Variants in UNC13C observed in about 807,000 individuals in gnomAD.
UNC13C encodes the protein protein unc-13 homolog C.
Under a neutral mutation model 245.4 loss-of-function variants are expected in UNC13C, and 174 were observed. The ratio of observed to expected loss-of-function variants is 0.71; its 90% CI spans 0.63 to 0.80. The LOEUF (loss-of-function observed/expected upper bound fraction) is 0.80, where lower values mean the gene tolerates loss of function less well. UNC13C is among the 30% of genes least tolerant of loss of function. The probability of loss-of-function intolerance (pLI) is 0.00; values close to 1 mark genes in which losing one functional copy is unlikely to be tolerated. For synonymous variants in UNC13C, 992 were observed against 895.1 expected, an observed-to-expected ratio of 1.11 and a Z score of -1.93; for missense variants, 2,829 against 2,602.9, an observed-to-expected ratio of 1.09 and a Z score of -1.89.
intron 30 of UNC13C, among the ~76,000 whole-genome samples, chr15:54,615,822 G>T (rs1175084072): frequency 6.6e-6 from 1 of 151,946 alleles, no homozygotes; most frequent in Non-Finnish European, 1.5e-5. Context: ...AACCAATTCT[G>T]TGGATTCCAA....
chr15:54,301,308 A>G (rs1388175303), intron 13 of UNC13C, among the ~76,000 whole-genome samples: 1 of 139,830 alleles, frequency 7.2e-6, no homozygotes, highest in Non-Finnish European at 1.5e-5. Flanking sequence ...TTTTTTTTGA[A>G]TGTAAGTTCT....
chr15:54,309,289 A>G (rs1567176982), intron 13 of UNC13C, among the ~76,000 whole-genome samples: 1 of 151,812 alleles, frequency 6.6e-6, no homozygotes, highest in South Asian at 2.1e-4. Flanking sequence ...ACTATTGGGC[A>G]TTTGTATGTC....
chr15:53,908,268 C>G, the UNC13C span, among the ~76,000 whole-genome samples: 1 of 146,102 alleles, frequency 6.8e-6, no homozygotes, highest in African/African-American at 2.4e-5. Flanking sequence ...TTTACCCTAG[C>G]AAACTTACAG....
chr15:54,574,102 A>G (rs1177054269), intron 30 of UNC13C, among the ~76,000 whole-genome samples: 1 of 152,220 alleles, frequency 6.6e-6, no homozygotes, highest in East Asian at 1.9e-4. Context: ...TTTTTAAAAC[A>G]AAATTCACCA....
At chr15:53,992,594 G>A (rs569950249) in intron 1 of UNC13C, among the ~76,000 whole-genome samples, 13 of 152,180 alleles carry the variant, frequency 8.5e-5, no homozygotes, top group East Asian at 7.7e-4. Context: ...GTCCTATCCC[G>A]TGACTCACAG....
intron 4 of UNC13C, among the ~76,000 whole-genome samples, chr15:54,159,591 G>A (rs780709956): frequency 5.9e-5 from 9 of 152,206 alleles, no homozygotes; most frequent in Non-Finnish European, 1.2e-4. Context: ...TGGCTAAAAT[G>A]TGTCTTAATA....
At chr15:54,115,962 C>A (rs368014692) in intron 2 of UNC13C, among the ~76,000 whole-genome samples, 5 of 140,588 alleles carry the variant, frequency 3.6e-5, no homozygotes, top group African/African-American at 1.2e-4. Flanking sequence ...AAAGAAGATG[C>A]CACCTCATTG....
At chr15:53,964,428 T>C in the UNC13C span, among the ~76,000 whole-genome samples, 1 of 152,202 alleles carries the variant, frequency 6.6e-6, no homozygotes, top group Non-Finnish European at 1.5e-5. Flanking sequence ...CACAGAGCTA[T>C]CCCTATGGGT....
At chr15:53,995,975 A>G (rs1894613798) in intron 1 of UNC13C, among the ~76,000 whole-genome samples, 1 of 152,168 alleles carries the variant, frequency 6.6e-6, no homozygotes, top group Admixed American at 6.5e-5. Flanking sequence ...AGGACGGCCG[A>G]AGGCTCTTGT....
chr15:53,989,789 A>G (rs757389931), intron 1 of UNC13C, among the ~76,000 whole-genome samples: 2 of 152,044 alleles, frequency 1.3e-5, no homozygotes, highest in Non-Finnish European at 2.9e-5. Flanking sequence ...TCTTGGAGAC[A>G]GCAGCCAGCA....
intron 2 of UNC13C, among the ~76,000 whole-genome samples, chr15:54,054,797 A>T (rs1361845085): frequency 1.3e-5 from 2 of 150,360 alleles, no homozygotes; most frequent in African/African-American, 4.8e-5. Flanking sequence ...GAACATATTT[A>T]TTTTTTGTTT....
At chr15:53,998,952 T>C (rs539637224) in intron 1 of UNC13C, among the ~76,000 whole-genome samples, 1 of 152,176 alleles carries the variant, frequency 6.6e-6, no homozygotes, top group African/African-American at 2.4e-5. Flanking sequence ...GGAATAATTA[T>C]GCTTGATCGT....
chr15:54,556,495 G>A (rs1319093006), intron 29 of UNC13C, among the ~76,000 whole-genome samples: 1 of 152,144 alleles, frequency 6.6e-6, no homozygotes, highest in Admixed American at 6.6e-5. Flanking sequence ...TTAAAGTTGG[G>A]AGGTGAGAGT....
chr15:54,284,719 C>T (rs897545218), intron 10 of UNC13C, among the ~76,000 whole-genome samples: 20 of 152,010 alleles, frequency 1.3e-4, no homozygotes, highest in South Asian at 1.0e-3. Flanking sequence ...TCTCTCTTTT[C>T]GTAGCAAAAT....
intron 4 of UNC13C, among the ~76,000 whole-genome samples, chr15:54,226,036 A>T (rs2140798923): frequency 6.6e-6 from 1 of 152,288 alleles, no homozygotes; most frequent in East Asian, 1.9e-4. Flanking sequence ...AATTTGATTG[A>T]AGGCCTTTTT....
At chr15:54,073,474 TTAAAC>T (rs1346534542) in intron 2 of UNC13C, among the ~76,000 whole-genome samples, 28 of 152,304 alleles carry the variant, frequency 1.8e-4, no homozygotes, top group Non-Finnish European at 1.0e-4. Flanking sequence ...TCCACAATGG[TTAAAC>T]TAATTTACAC....
chr15:54,526,570 A>G (rs1895469535), intron 25 of UNC13C, among the ~76,000 whole-genome samples: 1 of 150,586 alleles, frequency 6.6e-6, no homozygotes, highest in African/African-American at 2.5e-5. Flanking sequence ...TCTCTACTAA[A>G]AGTATAAAAC....
intron 10 of UNC13C, among the ~76,000 whole-genome samples, chr15:54,286,413 A>G (rs1043002935): frequency 7.2e-5 from 11 of 152,302 alleles, no homozygotes; most frequent in African/African-American, 2.4e-4. Flanking sequence ...GCAGTTTTCA[A>G]TATTTAACAG....
At chr15:54,485,151 G>C (rs181432727) in intron 19 of UNC13C, among the ~76,000 whole-genome samples, 59 of 152,280 alleles carry the variant, frequency 3.9e-4, no homozygotes, top group African/African-American at 1.4e-3. Flanking sequence ...TGTAGGCCAA[G>C]TCCAATGTTG....
Sources: allele counts gnomAD v4.1 joint callset (sites outside exome capture counted in the v4.1 genomes callset), GRCh38; gene constraint gnomAD v4.1.1; transcripts MANE v1.5; gene names NCBI Gene and HGNC (gene_info 2026-07-23, HGNC 2026-07-21).